The following PHACTR1 variants were observed in gnomAD, a reference collection of about 807,000 sequenced individuals.
The protein encoded by PHACTR1 is RPEL repeat containing 1.
PHACTR1 carries 16 observed loss-of-function variants against 69.2 expected under a neutral mutation model. That is an observed-to-expected ratio of 0.23 (90% CI 0.16 to 0.35). PHACTR1 has a LOEUF of 0.35. Ranked by LOEUF, PHACTR1 falls within the 10% of genes least tolerant of loss-of-function variation. The pLI is 1.00. For missense variants in PHACTR1, 510 were observed against 734.7 expected, an observed-to-expected ratio of 0.69 and a Z score of 3.54; for synonymous variants, 312 against 284.5, an observed-to-expected ratio of 1.10 and a Z score of -0.97.
chr6:12,979,605 C>T (rs775048577), intron 4 of PHACTR1, among the ~76,000 whole-genome samples: 41 of 151,928 alleles, frequency 2.7e-4, no homozygotes, highest in Non-Finnish European at 4.9e-4. Flanking sequence ...TTTGGTGTAA[C>T]TTTGTAGCAT....
chr6:12,818,959 A>C (rs1351777354), intron 4 of PHACTR1, among the ~76,000 whole-genome samples: 2 of 152,202 alleles, frequency 1.3e-5, no homozygotes, highest in Non-Finnish European at 2.9e-5. Flanking sequence ...TCTTTGCAGG[A>C]GATATGAGCT....
intron 4 of PHACTR1, among the ~76,000 whole-genome samples, chr6:12,987,881 T>C (rs1255241763): frequency 6.6e-6 from 1 of 152,202 alleles, no homozygotes; most frequent in Non-Finnish European, 1.5e-5. Flanking sequence ...AGAATCTCAC[T>C]CACATGAAAA....
chr6:13,028,812 T>C (rs1212401330), intron 4 of PHACTR1, among the ~76,000 whole-genome samples: 1 of 152,154 alleles, frequency 6.6e-6, no homozygotes, highest in Admixed American at 6.5e-5. Flanking sequence ...AGGAGCAAGG[T>C]GGGTACTGCT....
intron 4 of PHACTR1, among the ~76,000 whole-genome samples, chr6:12,788,171 A>G (rs1318838626): frequency 4.6e-5 from 7 of 151,812 alleles, no homozygotes; most frequent in East Asian, 1.9e-4. Flanking sequence ...TTAAAAAAAA[A>G]AAAAAACACC....
At chr6:13,020,540 C>A (rs1436242710) in intron 4 of PHACTR1, among the ~76,000 whole-genome samples, 1 of 152,096 alleles carries the variant, frequency 6.6e-6, no homozygotes, top group African/African-American at 2.4e-5. Flanking sequence ...TCATGTAGGA[C>A]AAGATGGTAC....
intron 5 of PHACTR1, among the ~76,000 whole-genome samples, chr6:13,135,651 A>G (rs1447852500): frequency 1.3e-5 from 2 of 152,172 alleles, no homozygotes; most frequent in Non-Finnish European, 2.9e-5. Flanking sequence ...AAGACAATAT[A>G]TAGAGACAAA....
chr6:12,984,750 T>C (rs1472288504), intron 4 of PHACTR1, among the ~76,000 whole-genome samples: 1 of 149,386 alleles, frequency 6.7e-6, no homozygotes, highest in African/African-American at 2.5e-5. Context: ...TCCTGTTGTC[T>C]ACACCTCCCC....
intron 4 of PHACTR1, among the ~76,000 whole-genome samples, chr6:12,998,923 C>A (rs1797760827): frequency 6.6e-6 from 1 of 152,152 alleles, no homozygotes; most frequent in African/African-American, 2.4e-5. Context: ...AATAACCCAG[C>A]ATTCTGAAAA....
At chr6:13,166,413 T>C (rs1759820110) in intron 6 of PHACTR1, among the ~76,000 whole-genome samples, 1 of 152,188 alleles carries the variant, frequency 6.6e-6, no homozygotes, top group African/African-American at 2.4e-5. Flanking sequence ...ATTTGTTCCC[T>C]GTTGTAGCCC....
At chr6:13,051,121 C>G (rs996867469) in intron 4 of PHACTR1, among the ~76,000 whole-genome samples, 11 of 152,116 alleles carry the variant, frequency 7.2e-5, no homozygotes, top group Non-Finnish European at 1.5e-4. Flanking sequence ...GCCGACCCCC[C>G]CATTCTACCC....
In PHACTR1 at chr6:12,756,162, T is replaced by C. The variant is rs150202253; in HGVS notation, c.250+6372T>C. 5.7e-3 allele frequency among the ~76,000 whole-genome samples: 866 copies of C among 152,270 alleles called. 10 individuals are homozygous for C. Among genetic ancestry groups the C allele is most frequent in the African/African-American group, 0.02 (825 of 41,560 alleles). ...ACTTGAATTCATGATCATTATTTAG[T>C]GTACAAGAATTAAAATTCAGGTGGG... On this transcript the variant is annotated intron_variant, in intron 4 of 14. Coordinates refer to ENST00000332995, the MANE Select transcript of PHACTR1 (RefSeq NM_030948.6).
chr6:12,729,974 G>A (rs1763281059), intron 3 of PHACTR1, among the ~76,000 whole-genome samples: 1 of 152,156 alleles, frequency 6.6e-6, no homozygotes, highest in Admixed American at 6.5e-5. Flanking sequence ...CCCTGAGAGG[G>A]AGAATACAGG....
At position 13,083,673 on chromosome 6, in the gene PHACTR1, T is replaced by C. The variant is rs1313831874; in HGVS notation, c.415+30144T>C. On this transcript the variant is annotated intron_variant, in intron 5 of 14. Coordinates refer to ENST00000332995, the MANE Select transcript of PHACTR1 (RefSeq NM_030948.6). ...AGAGGTCCTTTACATCCCTTGTAAG[T>C]TGGATTCCTGGGTGTTTTATTCTCT... is the stretch of plus-strand genomic sequence containing the variant. Among the ~76,000 whole-genome samples, 10 of 152,286 alleles carry C rather than the reference T, an allele frequency of 6.6e-5. No individual in the cohort carries two copies. The South Asian group carries it at 1.7e-3, about 25-fold the overall frequency.
At chr6:13,016,054 C>A (rs1390168680) in intron 4 of PHACTR1, among the ~76,000 whole-genome samples, 5 of 152,222 alleles carry the variant, frequency 3.3e-5, no homozygotes. Context: ...GCACTGCCCA[C>A]TGTGGAAGTT....
At chr6:13,277,947 CAA>C (rs756557633) in intron 11 of PHACTR1, 310 of 122,146 alleles carry the variant, frequency 2.5e-3, no homozygotes, top group South Asian at 8.2e-3. Flanking sequence ...GAGACCGTGT[CAA>C]AAAAAAAAAA....
chr6:12,933,673 A>G, intron 4 of PHACTR1: 1 of 1,612,824 alleles, frequency 6.2e-7, no homozygotes, highest in Non-Finnish European at 8.5e-7. Flanking sequence ...CAAGAATGGG[A>G]CCAGCAGTGC....
intron 4 of PHACTR1, among the ~76,000 whole-genome samples, chr6:12,910,905 G>C (rs907856863): frequency 6.6e-6 from 1 of 152,210 alleles, no homozygotes; most frequent in African/African-American, 2.4e-5. Flanking sequence ...TGTACACATA[G>C]AACTGTGGCG....
At chr6:13,266,851 C>G (rs1776801783) in intron 10 of PHACTR1, 1 of 152,292 alleles carries the variant, frequency 6.6e-6, no homozygotes, top group African/African-American at 2.4e-5. Context: ...ACACTGGGGA[C>G]TACAATTCAA....
intron 7 of PHACTR1, among the ~76,000 whole-genome samples, chr6:13,187,189 G>GC (rs1476131227): frequency 6.6e-6 from 1 of 152,170 alleles, no homozygotes; most frequent in East Asian, 1.9e-4. Context: ...TTCCTAATAG[G>GC]CCGCGGACCA....
Sources: gnomAD v4.1 joint callset for allele counts (sites outside exome capture counted in the v4.1 genomes callset) on GRCh38, gnomAD v4.1.1 for gene constraint, MANE v1.5 for transcripts, NCBI Gene and HGNC (gene_info 2026-07-23, HGNC 2026-07-21) for gene names.